The following B4GALT3 variants were observed in gnomAD, a reference collection of about 807,000 sequenced individuals.
B4GALT3 encodes N-acetyllactosamine synthase.
In B4GALT3, 29 loss-of-function variants were observed where a neutral mutation model predicts 40.7. The ratio of observed to expected loss-of-function variants is 0.71; its 90% CI spans 0.53 to 0.97. B4GALT3 has a LOEUF of 0.97. Ranked by LOEUF, B4GALT3 falls within the 50% of genes least tolerant of loss-of-function variation. The pLI is 0.00. For synonymous variants in B4GALT3, 182 were observed against 203.9 expected (o/e 0.89, Z 0.92); for missense variants, 390 against 522.3 (o/e 0.75, Z 2.47).
At position 161,172,236 on chromosome 1, in the gene B4GALT3, T is replaced by C; in HGVS notation, c.899A>G (p.Asn300Ser). 1 of 1,614,072 alleles carries C rather than the reference T, an allele frequency of 6.2e-7. No individual in the cohort carries two copies. Among genetic ancestry groups the C allele is most frequent in the Non-Finnish European group, 8.5e-7 (1 of 1,179,986 alleles). The change falls in exon 7 of 8, where the codon AAT (asparagine) becomes AGT (serine). Residue 300 changes from asparagine (N) to serine (S), a missense_variant. Asn to Ser is a conservative substitution (Grantham distance 46). Around this residue, in one of 3 missense-constraint regions of B4GALT3, gnomAD observed 135 missense variants for 227.8 expected, o/e 0.59. Transcript: ENST00000319769. ...KHRGDKGNEENPHRFDLLVRT... is the reference protein window; with the variant it reads ...KHRGDKGNEESPHRFDLLVRT... ...CCTTCCTTCTTCCTACCTGTGGGGA[T>C]TTTCCTCATTGCCCTTATCTCCTCG...
In B4GALT3 at chr1:161,175,869, G is replaced by T. The variant is rs767196265; in HGVS notation, c.192C>A (p.Ala64=). ...CTTGAGGAGCTGGAGGACCCCCTGG[G>T]GCCCCAGGCAGGTGACTGAGGTTAC... The part of the protein sequence containing the change: ...VYSNLSHLPG[A]PGGPPAPQGL... Residue 64 remains alanine (A), a synonymous_variant, in exon 3 of 8, where the codon GCC becomes GCA. Transcript: ENST00000319769. The T allele has an allele frequency of 1.2e-6, 2 of 1,614,130 alleles. No individual in the cohort carries two copies. The highest frequency in any genetic ancestry group is 1.1e-5 in the South Asian group (1 of 91,076).
At chr1:161,172,139 T>A in intron 7 of B4GALT3, 50 bp from the exon 8 acceptor site, 1 of 1,612,234 alleles carries the variant, frequency 6.2e-7, no homozygotes, top group Non-Finnish European at 8.5e-7. Flanking sequence ...CAGCCAGAAA[T>A]CTAGGGACCT....
intron 6 of B4GALT3, 90 bp from the exon 7 acceptor site, chr1:161,172,421 T>A: frequency 8.8e-7 from 1 of 1,138,258 alleles, no homozygotes; most frequent in Non-Finnish European, 1.2e-6. Context: ...AAAAAACAAC[T>A]ATTACTTAGT....
At chr1:161,172,534 GC>G in intron 6 of B4GALT3, 1 of 571,424 alleles carries the variant, frequency 1.8e-6, no homozygotes, top group Admixed American at 3.5e-5. Flanking sequence ...AGGGCCCAGT[GC>G]CAGTCACCCT....
Position 161,173,724 on chromosome 1 carries a change from G to A in B4GALT3, c.684C>T (p.Leu228=). The A allele has an allele frequency of 6.2e-7, 1 of 1,614,114 alleles. No individual in the cohort carries two copies. Among genetic ancestry groups the A allele is most frequent in the South Asian group, 1.1e-5 (1 of 91,080 alleles). ...CTCCTCCGAAGTACTGGGGGTACGG[G>A]AGGCTAGGGAGAGAAAGATCCTTGC... ...AVAMNKFGYS[L]PYPQYFGGVS... The change falls in exon 6 of 8, where the codon CTC becomes CTT. Residue 228 remains leucine (L), a synonymous_variant. Transcript: ENST00000319769.
chr1:161,171,830 G>C lies in B4GALT3; in HGVS notation c.1168C>G (p.Arg390Gly), dbSNP rs371077103. 6.2e-7 allele frequency: 1 copy of C among 1,614,088 alleles called. No individual in the cohort carries two copies. The highest frequency in any genetic ancestry group is 1.1e-5 in the South Asian group (1 of 91,078). The change falls in exon 8 of 8, where the codon CGA becomes GGA. Residue 390 changes from arginine to glycine, a missense_variant. Coordinates refer to ENST00000319769, the MANE Select transcript of B4GALT3 (RefSeq NM_003779.4). ...GGAAGGAGGAGTCAGTGTGAACCTC[G>C]GAGGGCTGTGTGGTTGGCAGTAGAT... is the stretch of plus-strand genomic sequence containing the variant. ...PLSTANHTAL[R>G]GSH
At chr1:161,173,182 C>G (rs1436907041) in intron 6 of B4GALT3, among the ~76,000 whole-genome samples, 1 of 152,180 alleles carries the variant, frequency 6.6e-6, no homozygotes, top group Admixed American at 6.5e-5. Flanking sequence ...CAGAATGTTT[C>G]ACATGCTAAA....
At chr1:161,177,087 G>A in intron 1 of B4GALT3, 1 of 1,533,622 alleles carries the variant, frequency 6.5e-7, no homozygotes, top group South Asian at 1.2e-5. Flanking sequence ...TTCTAGCGGG[G>A]GTGGGGAGGA....
rs1398551103 is a variant in B4GALT3 at position 161,175,143 on chromosome 1, C to A, written c.339G>T (p.Arg113=). ...GGGGCTCACAACCTGCAGGGCGGTACCGGCCCCCTGGTTCTACCCGGGGAT... is the reference window on the plus strand; with the variant it reads ...GGGGCTCACAACCTGCAGGGCGGTAACGGCCCCCTGGTTCTACCCGGGGAT... The part of the protein sequence containing the change: ...ERNPRVEPGG[R]YRPAGCEPRS... Residue 113 remains arginine (R), a synonymous_variant, in exon 4 of 8, where the codon CGG becomes CGT. Coordinates refer to ENST00000319769, the MANE Select transcript of B4GALT3 (RefSeq NM_003779.4). The A allele has an allele frequency of 3.7e-6, 6 of 1,613,862 alleles. No individual in the cohort carries two copies. Among genetic ancestry groups the A allele is most frequent in the South Asian group, 1.1e-5 (1 of 91,072 alleles).
rs1341232193 is a variant in B4GALT3, at chr1:161,175,811, A to T, written c.250T>A (p.Leu84Ile). The change falls in exon 3 of 8, where the codon TTA (leucine) becomes ATA (isoleucine). Residue 84 changes from leucine (L) to isoleucine (I), a missense_variant. By Grantham distance (5) the Leu-to-Ile change is conservative. Around this residue, in one of 3 missense-constraint regions of B4GALT3, gnomAD observed 183 missense variants for 223.2 expected, o/e 0.82. Coordinates refer to ENST00000319769, the MANE Select transcript of B4GALT3 (RefSeq NM_003779.4). ...ACCTCCTTCCTCCTGCACTTACCTAAGAGAGGAGATCGTTCTGGACAGTAG... is the reference window on the plus strand; with the variant it reads ...ACCTCCTTCCTCCTGCACTTACCTATGAGAGGAGATCGTTCTGGACAGTAG... ...LPYCPERSPL[L>I]VGPVSVSFSP... 6.2e-7 allele frequency: 1 copy of T among 1,613,734 alleles called. No homozygotes were observed. Among genetic ancestry groups the T allele is most frequent in the Non-Finnish European group, 8.5e-7 (1 of 1,179,910 alleles).
intron 6 of B4GALT3, 37 bp from the exon 7 acceptor site, chr1:161,172,368 G>C: frequency 6.4e-7 from 1 of 1,562,370 alleles, no homozygotes; most frequent in Non-Finnish European, 8.7e-7. Flanking sequence ...GGGATCCAGA[G>C]TAGAGAAAAG....
Position 161,176,566 on chromosome 1 carries a change from G to C in B4GALT3, c.-147C>G. ...AGGCTCCATCCAGCACTCCAGCAGC[G>C]AATCTGGGACCAGCTGGAACAGAAG... On this transcript the variant is annotated 5_prime_UTR_variant, in exon 2 of 8. Coordinates refer to ENST00000319769, the MANE Select transcript of B4GALT3 (RefSeq NM_003779.4). 2.1e-6 allele frequency: 1 copy of C among 485,034 alleles called. No homozygotes were observed. The highest frequency in any genetic ancestry group is 3.7e-6 in the Non-Finnish European group (1 of 268,638). The allele number at this position is 485,034 out of a possible 1,614,324, so 30.0% of individuals were successfully genotyped here.
At chr1:161,175,613 C>T (rs894057492) in intron 3 of B4GALT3, among the ~76,000 whole-genome samples, 195 bp downstream of exon 3, 1 of 152,126 alleles carries the variant, frequency 6.6e-6, no homozygotes, top group African/African-American at 2.4e-5. Flanking sequence ...ACCCAATAGT[C>T]TAATCTAAAC....
At position 161,171,794 on chromosome 1, in the gene B4GALT3, T is replaced by G. The variant is rs894169144; in HGVS notation, c.*22A>C. 1 of 1,612,630 alleles carries G rather than the reference T, an allele frequency of 6.2e-7. No homozygotes were observed. Among genetic ancestry groups the G allele is most frequent in the African/African-American group, 1.3e-5 (1 of 74,844 alleles). ...AACCCCATGAATTCGGTTTCATGAT[T>G]AAGGTAGACAGGAAGGAGGAGTCAG... On this transcript the variant is annotated 3_prime_UTR_variant, in exon 8 of 8. Transcript: ENST00000319769.
At chr1:161,174,565 G>T (rs1013246057) in intron 4 of B4GALT3, among the ~76,000 whole-genome samples, 2 of 152,176 alleles carry the variant, frequency 1.3e-5, no homozygotes, top group African/African-American at 4.8e-5. Flanking sequence ...TACTTAAGAT[G>T]CTGCTGTCTA....
In B4GALT3 at chr1:161,176,067, G is replaced by T; in HGVS notation, c.-7C>A. On this transcript the variant is annotated 5_prime_UTR_variant, in exon 3 of 8. Transcript: ENST00000319769. ...CCAGCAGCCTCCGCAACATCCTGGG[G>T]GTGAGATCTAGGGAGGGAGAGGGGA... 1.2e-6 allele frequency: 2 copies of T among 1,613,946 alleles called. No individual in the cohort carries two copies. The highest frequency in any genetic ancestry group is 2.7e-5 in the African/African-American group (2 of 75,012).
chr1:161,176,994 T>C (rs1484943083), intron 1 of B4GALT3: 1 of 1,535,622 alleles, frequency 6.5e-7, no homozygotes, highest in Non-Finnish European at 8.7e-7. Flanking sequence ...CGTGACCACC[T>C]GGGGGCTGTA....
intron 6 of B4GALT3, 75 bp downstream of exon 6, chr1:161,173,530 C>A (rs908011276): frequency 5.6e-6 from 9 of 1,603,196 alleles, no homozygotes; most frequent in South Asian, 1.1e-5. Context: ...TGTTGAAGGG[C>A]TATGGTCAAA....
At chr1:161,175,295 G>A (rs1446815408) in intron 3 of B4GALT3, 67 bp from the exon 4 acceptor site, 1 of 1,411,678 alleles carries the variant, frequency 7.1e-7, no homozygotes, top group Admixed American at 2.0e-5. Context: ...ACTAGGGTTT[G>A]GGAATACCTC....
Sources: allele counts gnomAD v4.1 joint callset (sites outside exome capture counted in the v4.1 genomes callset), GRCh38; gene constraint gnomAD v4.1.1; regional missense constraint gnomAD v4.1.1; transcripts MANE v1.5; gene names NCBI Gene and HGNC (gene_info 2026-07-23, HGNC 2026-07-21).